CNTNAP3: variants seen among roughly 807,000 people sequenced by gnomAD.
CNTNAP3 encodes contactin associated protein family member 3.
Under a neutral mutation model 92.1 loss-of-function variants are expected in CNTNAP3, and 36 were observed. The ratio of observed to expected loss-of-function variants is 0.39; its 90% CI spans 0.30 to 0.52. CNTNAP3 has a LOEUF of 0.52. CNTNAP3 is among the 20% of genes least tolerant of loss of function. The pLI, the probability that CNTNAP3 is intolerant of heterozygous loss-of-function variation, is 0.76. For synonymous variants in CNTNAP3, 232 were observed against 422.3 expected (o/e 0.55, Z 5.53); for missense variants, 534 against 1,069.6 (o/e 0.50, Z 6.98).
chr9:39,106,118 C>T (rs1826599453), intron 15 of CNTNAP3, among the ~76,000 whole-genome samples: 2 of 152,142 alleles, frequency 1.3e-5, no homozygotes, highest in Non-Finnish European at 2.9e-5. Context: ...TTCCTTGACC[C>T]TATCCCTGCA....
At chr9:39,101,267 G>T (rs566628631) in intron 17 of CNTNAP3, among the ~76,000 whole-genome samples, 13 of 151,378 alleles carry the variant, frequency 8.6e-5, no homozygotes, top group African/African-American at 2.9e-4. Context: ...ACATACATAC[G>T]TGGGTTCACG....
At chr9:39,087,722 G>A (rs1366658871) in intron 19 of CNTNAP3, among the ~76,000 whole-genome samples, 1 of 152,102 alleles carries the variant, frequency 6.6e-6, no homozygotes, top group Non-Finnish European at 1.5e-5. Context: ...TCCTGACCTC[G>A]TGATCCGCCT....
chr9:39,106,705 C>T (rs1385076962), intron 15 of CNTNAP3: 1 of 152,018 alleles, frequency 6.6e-6, no homozygotes, highest in Admixed American at 6.6e-5. Flanking sequence ...AGGTAAATTT[C>T]CAGAGAGAAA....
intron 13 of CNTNAP3, among the ~76,000 whole-genome samples, chr9:39,122,591 T>A (rs1002350178): frequency 6.6e-6 from 1 of 152,226 alleles, no homozygotes; most frequent in South Asian, 2.1e-4. Context: ...ACCACAGTTA[T>A]GCAAAGAGCA....
chr9:39,138,024 T>TTTG lies in CNTNAP3; in HGVS notation c.1876+2492_1876+2494dup, dbSNP rs551311081. On this transcript the variant is annotated intron_variant, in intron 12 of 23. Coordinates refer to ENST00000297668, the MANE Select transcript of CNTNAP3 (RefSeq NM_033655.5). The stretch of plus-strand genomic sequence containing the variant: ...ACAGATACATGTCACCATGCTGTTT[T>TTTG]TTGTTGTTGTTGTTGTCACAATGCT... Among the ~76,000 whole-genome samples the TTTG allele has an allele frequency of 1.7e-4, 25 of 146,528 alleles. 1 individual carries two copies. Among genetic ancestry groups the TTTG allele is most frequent in the East Asian group, 8.0e-4 (4 of 5,012 alleles).
At chr9:39,152,198 T>C (rs553717849) in intron 9 of CNTNAP3, among the ~76,000 whole-genome samples, 20 of 131,638 alleles carry the variant, frequency 1.5e-4, no homozygotes, top group Admixed American at 4.5e-4. Context: ...GAAAGTTCCA[T>C]AAAAATTAAA....
chr9:39,079,875 C>T (rs1342716557), intron 21 of CNTNAP3, among the ~76,000 whole-genome samples: 1 of 130,718 alleles, frequency 7.7e-6, no homozygotes, highest in South Asian at 2.7e-4. Flanking sequence ...GTTCTTTCTC[C>T]CCACCCTCCC....
intron 4 of CNTNAP3, among the ~76,000 whole-genome samples, chr9:39,179,283 CTCT>C (rs1375316775): frequency 1.9e-5 from 1 of 53,336 alleles, no homozygotes; most frequent in African/African-American, 8.5e-5. Flanking sequence ...CTCTCTCTCT[CTCT>C]ACACACACAC....
At chr9:39,098,055 G>A (rs969210214) in intron 18 of CNTNAP3, among the ~76,000 whole-genome samples, 7 of 147,624 alleles carry the variant, frequency 4.7e-5, no homozygotes, top group Non-Finnish European at 1.0e-4. Context: ...GAAGTAACTA[G>A]AGAAAAGGTG....
chr9:39,146,266 G>A (rs1442765691), intron 10 of CNTNAP3, among the ~76,000 whole-genome samples: 2 of 152,186 alleles, frequency 1.3e-5, no homozygotes, highest in Admixed American at 6.5e-5. Context: ...AGGAGGTGAC[G>A]GAGGCCTCCC....
intron 18 of CNTNAP3, among the ~76,000 whole-genome samples, chr9:39,096,304 T>G (rs1049282892): frequency 7.0e-6 from 1 of 142,870 alleles, no homozygotes; most frequent in East Asian, 2.2e-4. Flanking sequence ...CTGGGTTATA[T>G]CCCTTCAACC....
chr9:39,152,918 G>A (rs371720944), intron 9 of CNTNAP3, among the ~76,000 whole-genome samples: 2 of 107,874 alleles, frequency 1.9e-5, no homozygotes, highest in Admixed American at 8.8e-5. Context: ...CACCTGCCTC[G>A]GCCTCCCAAA....
intron 10 of CNTNAP3, among the ~76,000 whole-genome samples, chr9:39,146,210 G>A (rs1329818674): frequency 6.6e-6 from 1 of 152,096 alleles, no homozygotes; most frequent in Non-Finnish European, 1.5e-5. Context: ...AGATGGCAGA[G>A]GGAGGGCAGG....
intron 13 of CNTNAP3, among the ~76,000 whole-genome samples, chr9:39,131,498 C>T (rs1821292565): frequency 6.6e-6 from 1 of 151,544 alleles, no homozygotes; most frequent in Non-Finnish European, 1.5e-5. Flanking sequence ...GACCCAGATG[C>T]CGACTGCACA....
rs1294335717 is a variant in CNTNAP3 at position 39,073,256 on chromosome 9, G to A, written c.*634C>T. On this transcript the variant is annotated 3_prime_UTR_variant, in exon 24 of 24. Transcript: ENST00000297668. ...CCAAAAATAATGGTAGTGTTTCCAG[G>A]CTTCAACTGTGTTGTATTAACCATC... The A allele has an allele frequency of 1.8e-5, 3 of 163,700 alleles. No individual in the cohort carries two copies. The highest frequency in any genetic ancestry group is 4.1e-5 in the Non-Finnish European group (3 of 73,918). The allele number at this position is 163,700 out of a possible 1,614,324, so 10.1% of individuals were successfully genotyped here.
intron 13 of CNTNAP3, among the ~76,000 whole-genome samples, chr9:39,130,495 CTTTTTTTTTTTT>C (rs58074019): frequency 9.0e-6 from 1 of 111,200 alleles, no homozygotes; most frequent in East Asian, 2.7e-4. Flanking sequence ...AGGAGGAATT[CTTTTTTTTTTTT>C]TTTTTTTTTT....
At chr9:39,136,635 T>C (rs2118071295) in intron 12 of CNTNAP3, among the ~76,000 whole-genome samples, 1 of 152,288 alleles carries the variant, frequency 6.6e-6, no homozygotes, top group African/African-American at 2.4e-5. Flanking sequence ...GCACGGTGGC[T>C]CATGCCTGTA....
At chr9:39,087,846 G>A (rs966691398) in intron 19 of CNTNAP3, among the ~76,000 whole-genome samples, 1 of 152,136 alleles carries the variant, frequency 6.6e-6, no homozygotes, top group African/African-American at 2.4e-5. Context: ...GTACCTAACA[G>A]ACTTAAAGCT....
chr9:39,149,532 AT>A (rs1821789498), intron 10 of CNTNAP3, among the ~76,000 whole-genome samples: 1 of 134,450 alleles, frequency 7.4e-6, no homozygotes, highest in Non-Finnish European at 1.6e-5. Context: ...TTTTTTTTGT[AT>A]TTTTAGTAGA....
Sources: allele counts gnomAD v4.1 joint callset (sites outside exome capture counted in the v4.1 genomes callset), GRCh38; gene constraint gnomAD v4.1.1; transcripts MANE v1.5; gene names NCBI Gene and HGNC (gene_info 2026-07-23, HGNC 2026-07-21).